Variants in CHCT1 observed in about 807,000 individuals in gnomAD.
CHCT1 encodes the protein CHD1 helical C-terminal domain containing 1.
At chr17:60,421,726 A>G in the CHCT1 span, 16 of 796,336 alleles carry the variant, frequency 2.0e-5, no homozygotes, top group Non-Finnish European at 2.4e-5. Context: ...GCCAACTCAG[A>G]CTACACCCGG....
the CHCT1 span, chr17:60,426,597 C>G: frequency 1.5e-5 from 21 of 1,405,560 alleles, no homozygotes; most frequent in East Asian, 4.7e-4. Context: ...TTCCCCCAAC[C>G]CCAAACCCCA....
At chr17:60,424,426 G>C in the CHCT1 span, among the ~76,000 whole-genome samples, 2 of 152,156 alleles carry the variant, frequency 1.3e-5, no homozygotes, top group African/African-American at 4.8e-5. Flanking sequence ...TCTGTAACTA[G>C]GGTTAATGAT....
chr17:60,425,751 C>G, the CHCT1 span: 1 of 1,492,356 alleles, frequency 6.7e-7, no homozygotes, highest in Admixed American at 2.0e-5. Flanking sequence ...ACGGTCCAAT[C>G]CCCCGGCTTA....
chr17:60,421,493 G>C, the CHCT1 span: 1 of 985,378 alleles, frequency 1.0e-6, no homozygotes, highest in African/African-American at 1.7e-5. Flanking sequence ...GCCACACTGA[G>C]TGGGGACAAC....
chr17:60,426,024 C>T, the CHCT1 span: 2 of 1,235,882 alleles, frequency 1.6e-6, no homozygotes, highest in South Asian at 1.4e-5. Context: ...GTGAGAGGTG[C>T]ACCAGAGCCA....
the CHCT1 span, among the ~76,000 whole-genome samples, chr17:60,429,032 A>G: frequency 1.3e-5 from 2 of 152,046 alleles, no homozygotes. Flanking sequence ...CTAAACGAGT[A>G]AGGCTCCCAA....
At chr17:60,422,262 C>T in the CHCT1 span, 1 of 370,302 alleles carries the variant, frequency 2.7e-6, no homozygotes, top group Non-Finnish European at 4.9e-6. Flanking sequence ...GTGTCAGGAT[C>T]AGCATCTGAC....
chr17:60,426,206 C>A, the CHCT1 span: 1 of 1,551,798 alleles, frequency 6.4e-7, no homozygotes, highest in Non-Finnish European at 8.7e-7. Flanking sequence ...GCGAAAGTTG[C>A]ACCTGCCCAG....
chr17:60,427,700 A>G, the CHCT1 span, among the ~76,000 whole-genome samples: 1 of 152,154 alleles, frequency 6.6e-6, no homozygotes, highest in South Asian at 2.1e-4. Flanking sequence ...GGAGTGAGCC[A>G]TCGCGCCCAG....
At chr17:60,426,501 G>A in the CHCT1 span, 1 of 1,040,424 alleles carries the variant, frequency 9.6e-7, no homozygotes, top group Non-Finnish European at 1.4e-6. Flanking sequence ...AGCCCTGACT[G>A]CACCTTGTCT....
the CHCT1 span, chr17:60,425,677 G>A: frequency 1.3e-6 from 1 of 762,692 alleles, no homozygotes; most frequent in Non-Finnish European, 2.2e-6. Context: ...AAGGTCTGAG[G>A]GCAATGGAGA....
chr17:60,423,490 G>A, the CHCT1 span, among the ~76,000 whole-genome samples: 17 of 152,132 alleles, frequency 1.1e-4, no homozygotes, highest in East Asian at 3.3e-3. Context: ...ACTGTGCCCA[G>A]TTTTGCTCTG....
the CHCT1 span, chr17:60,431,209 A>G: frequency 1.2e-6 from 2 of 1,604,896 alleles, no homozygotes; most frequent in Non-Finnish European, 1.7e-6. Flanking sequence ...CTCAAAAACC[A>G]AAACTCAAGA....
chr17:60,429,455 A>G, the CHCT1 span: 4 of 1,614,140 alleles, frequency 2.5e-6, no homozygotes, highest in African/African-American at 1.3e-5. Flanking sequence ...GGGGCTGCAC[A>G]GCAACATCAG....
the CHCT1 span, among the ~76,000 whole-genome samples, chr17:60,428,358 C>T: frequency 1.3e-5 from 2 of 152,168 alleles, no homozygotes; most frequent in African/African-American, 4.8e-5. Flanking sequence ...TAACCAAGTC[C>T]TCTCCCTCTC....
chr17:60,421,246 C>A, the CHCT1 span: 1 of 567,336 alleles, frequency 1.8e-6, no homozygotes, highest in South Asian at 7.7e-5. Flanking sequence ...CCTCCCCTTA[C>A]AACAACAACA....
chr17:60,428,675 C>T, the CHCT1 span, among the ~76,000 whole-genome samples: 2 of 151,800 alleles, frequency 1.3e-5, no homozygotes, highest in East Asian at 1.9e-4. Flanking sequence ...TTAATAGAGA[C>T]GGGGTTTCAC....
chr17:60,429,240 TGG>T, the CHCT1 span: 1 of 1,069,208 alleles, frequency 9.4e-7, no homozygotes, highest in African/African-American at 1.6e-5. Flanking sequence ...CCCATCCTTT[TGG>T]TTAGGCAAGT....
the CHCT1 span, chr17:60,431,044 A>G: frequency 1.6e-6 from 1 of 608,086 alleles, no homozygotes; most frequent in South Asian, 2.1e-5. Context: ...AGAAAAAACT[A>G]AGTGATATAG....
Sources: gnomAD v4.1 joint callset for allele counts (sites outside exome capture counted in the v4.1 genomes callset) on GRCh38, gnomAD v4.1.1 for gene constraint, MANE v1.5 for transcripts, NCBI Gene and HGNC (gene_info 2026-07-23, HGNC 2026-07-21) for gene names.